The following PARD3B variants were observed in gnomAD, a reference collection of about 807,000 sequenced individuals.
The protein encoded by PARD3B is partitioning defective 3 homolog B.
In PARD3B, 103 loss-of-function variants were observed where a neutral mutation model predicts 130.2. The observed-to-expected ratio is 0.79, with a 90% CI of 0.67 to 0.93. PARD3B has a LOEUF of 0.93. PARD3B is among the 40% of genes least tolerant of loss of function. The pLI, the probability that PARD3B is intolerant of heterozygous loss-of-function variation, is 0.00. For missense variants in PARD3B, 1,609 were observed against 1,499.2 expected (o/e 1.07, Z -1.21); for synonymous variants, 583 against 553.2 (o/e 1.05, Z -0.76).
intron 18 of PARD3B, among the ~76,000 whole-genome samples, chr2:205,337,480 C>G (rs2043355275): frequency 6.6e-6 from 1 of 152,160 alleles, no homozygotes; most frequent in Admixed American, 6.5e-5. Context: ...GACTGTAAAT[C>G]ATTTATTAGA....
At chr2:205,614,196 C>T (rs772475086) in intron 22 of PARD3B, among the ~76,000 whole-genome samples, 1 of 152,202 alleles carries the variant, frequency 6.6e-6, no homozygotes. Context: ...CACACTGCTT[C>T]TGTTATGGCA....
chr2:204,702,504 T>C (rs1314658162), intron 2 of PARD3B, among the ~76,000 whole-genome samples: 5 of 152,170 alleles, frequency 3.3e-5, no homozygotes, highest in Non-Finnish European at 7.4e-5. Context: ...TGATGAGCAT[T>C]TTAAAAGTAT....
chr2:205,057,069 C>T (rs1445395924), intron 4 of PARD3B, among the ~76,000 whole-genome samples: 3 of 151,562 alleles, frequency 2.0e-5, no homozygotes, highest in South Asian at 2.1e-4. Context: ...TGCATAGTCT[C>T]ATAAAATACA....
At chr2:205,328,607 A>G (rs2043012135) in intron 18 of PARD3B, among the ~76,000 whole-genome samples, 1 of 152,164 alleles carries the variant, frequency 6.6e-6, no homozygotes, top group Non-Finnish European at 1.5e-5. Flanking sequence ...TAGAAATTTC[A>G]TGATTTGGAA....
chr2:205,615,948 A>G lies in PARD3B; in HGVS notation c.*135A>G. 1 of 763,818 alleles carries G rather than the reference A, an allele frequency of 1.3e-6. No homozygotes were observed. 47.3% of individuals were successfully genotyped at this position (763,818 alleles called of 1,614,324 possible). A position where few individuals can be genotyped will look rare whatever the true frequency, so the allele number is the denominator to read the frequency against. ...TAAGCTTTTTCTCACTGACATTGTA[A>G]CGCATGACTGCTAATCAGAGAGAAA... On this transcript the variant is annotated 3_prime_UTR_variant, in exon 23 of 23. Coordinates refer to ENST00000406610, the MANE Select transcript of PARD3B (RefSeq NM_001302769.2).
chr2:205,284,872 T>TG (rs201426604), intron 16 of PARD3B, among the ~76,000 whole-genome samples: 2,276 of 152,192 alleles, frequency 0.015, 29 homozygotes, highest in Non-Finnish European at 0.02. Context: ...CATCAAATGA[T>TG]GGGAAAAACT....
intron 18 of PARD3B, among the ~76,000 whole-genome samples, chr2:205,330,989 C>G (rs1013660903): frequency 6.6e-6 from 1 of 151,960 alleles, no homozygotes; most frequent in African/African-American, 2.4e-5. Context: ...CTCTCTTCCT[C>G]GACGGAAAAG....
At chr2:205,086,874 G>A (rs904038160) in intron 4 of PARD3B, among the ~76,000 whole-genome samples, 1 of 152,104 alleles carries the variant, frequency 6.6e-6, no homozygotes, top group African/African-American at 2.4e-5. Context: ...AGGGAATATG[G>A]CAATTGAAAA....
At chr2:205,372,859 A>G (rs1447358687) in intron 18 of PARD3B, among the ~76,000 whole-genome samples, 1 of 152,134 alleles carries the variant, frequency 6.6e-6, no homozygotes, top group East Asian at 1.9e-4. Flanking sequence ...TGAGCCTGTA[A>G]GCCCAGCTAC....
intron 15 of PARD3B, among the ~76,000 whole-genome samples, chr2:205,208,369 G>A (rs1194988962): frequency 7.9e-6 from 1 of 126,398 alleles, no homozygotes; most frequent in Non-Finnish European, 1.6e-5. Context: ...TTCTGGCCAG[G>A]GCAATCAGGC....
intron 2 of PARD3B, among the ~76,000 whole-genome samples, chr2:204,758,850 T>TC (rs1369133272): frequency 1.3e-5 from 2 of 152,208 alleles, no homozygotes; most frequent in African/African-American, 4.8e-5. Flanking sequence ...ATCATATTTC[T>TC]CCCCTTAGAA....
At chr2:205,135,367 T>C (rs2032391116) in intron 10 of PARD3B, among the ~76,000 whole-genome samples, 1 of 152,208 alleles carries the variant, frequency 6.6e-6, no homozygotes, top group Non-Finnish European at 1.5e-5. Flanking sequence ...AAAGGATCTT[T>C]AAAGATTAGG....
intron 11 of PARD3B, among the ~76,000 whole-genome samples, chr2:205,159,254 C>G (rs989126417): frequency 2.6e-5 from 4 of 152,118 alleles, no homozygotes; most frequent in Non-Finnish European, 4.4e-5. Flanking sequence ...AACAAGTAAA[C>G]ATAAAGGCAG....
chr2:204,546,736 C>A (rs769881586), intron 1 of PARD3B, among the ~76,000 whole-genome samples: 1 of 152,144 alleles, frequency 6.6e-6, no homozygotes, highest in Non-Finnish European at 1.5e-5. Flanking sequence ...GTCACAGATT[C>A]TATGACCATT....
chr2:205,120,441 G>T (rs562645120), intron 7 of PARD3B, among the ~76,000 whole-genome samples: 1 of 152,288 alleles, frequency 6.6e-6, no homozygotes, highest in East Asian at 1.9e-4. Flanking sequence ...TTCAGAAAGG[G>T]GGGTGCGGGG....
intron 1 of PARD3B, among the ~76,000 whole-genome samples, chr2:204,586,247 T>C (rs2032819177): frequency 6.6e-6 from 1 of 152,210 alleles, no homozygotes; most frequent in East Asian, 1.9e-4. Context: ...TTAATTGAGA[T>C]AGCAAAGGGA....
chr2:205,236,739 A>C (rs57752058), intron 15 of PARD3B, among the ~76,000 whole-genome samples: 29,992 of 152,128 alleles, frequency 0.2, 3,176 homozygotes, highest in East Asian at 0.41. Context: ...TTAACAGACT[A>C]AAACAGAAAA....
intron 2 of PARD3B, among the ~76,000 whole-genome samples, chr2:204,823,679 C>T (rs932628410): frequency 6.6e-6 from 1 of 152,084 alleles, no homozygotes; most frequent in Admixed American, 6.6e-5. Context: ...GTTGCTCAAG[C>T]CTGTAATCCC....
At position 205,268,983 on chromosome 2, in the gene PARD3B, T is replaced by C. The variant is rs1387743711; in HGVS notation, c.2185+23161T>C. Among the ~76,000 whole-genome samples, 1 of 152,134 alleles carries C rather than the reference T, an allele frequency of 6.6e-6. No individual in the cohort carries two copies. The highest frequency in any genetic ancestry group is 2.4e-5 in the African/African-American group (1 of 41,454). On this transcript the variant is annotated intron_variant, in intron 16 of 22. Transcript: ENST00000406610. This position sits in a 1 kb window ranked among gnomAD's most constrained non-coding sequence, Gnocchi z 4.1. ...CAAGTATGAATAAAATAAGTATAAA[T>C]CATTCATTTTTCAAAAACCTGTGAA...
Sources: gnomAD v4.1 joint callset for allele counts (sites outside exome capture counted in the v4.1 genomes callset) on GRCh38, gnomAD v4.1.1 for gene constraint, Gnocchi (gnomAD v3.1) non-coding constraint, MANE v1.5 for transcripts, NCBI Gene and HGNC (gene_info 2026-07-23, HGNC 2026-07-21) for gene names.